The following CDRT4 variants were observed in gnomAD, a reference collection of about 807,000 sequenced individuals.
The protein encoded by CDRT4 is CMT1A duplicated region transcript 4 protein.
For synonymous variants in CDRT4, 64 were observed against 69.6 expected (o/e 0.92, Z 0.40); for missense variants, 167 against 193.1 (o/e 0.87, Z 0.80).
At chr17:15,465,779 G>T (rs934189514) in intron 1 of CDRT4, among the ~76,000 whole-genome samples, 5 of 152,208 alleles carry the variant, frequency 3.3e-5, no homozygotes, top group African/African-American at 9.7e-5. Context: ...GCAGCCAAGG[G>T]GCTCTTGCTG....
intron 1 of CDRT4, among the ~76,000 whole-genome samples, chr17:15,456,127 G>A (rs971739101): frequency 1.3e-5 from 2 of 152,164 alleles, no homozygotes. Context: ...TCCATCTCCA[G>A]AGGACACCAT....
At chr17:15,456,769 A>G (rs1451369679) in intron 1 of CDRT4, among the ~76,000 whole-genome samples, 1 of 152,186 alleles carries the variant, frequency 6.6e-6, no homozygotes, top group Non-Finnish European at 1.5e-5. Context: ...AGCCCTGGTC[A>G]TCATGGGGTC....
chr17:15,443,856 C>T (rs1328909672), intron 2 of CDRT4: 2 of 594,000 alleles, frequency 3.4e-6, no homozygotes, highest in Non-Finnish European at 6.6e-6. Flanking sequence ...TACTCATGTA[C>T]AGAACATGAT....
In CDRT4 at chr17:15,464,880, G is replaced by A. The variant is rs564451672; in HGVS notation, c.-130+2580C>T. 2.6e-5 allele frequency among the ~76,000 whole-genome samples: 4 copies of A among 152,250 alleles called. No homozygotes were observed. Among genetic ancestry groups the A allele is most frequent in the East Asian group, 1.9e-4 (1 of 5,190 alleles). On this transcript the variant is annotated intron_variant, in intron 1 of 3. Coordinates refer to ENST00000619038, the MANE Select transcript of CDRT4 (RefSeq NM_001204477.2). This position sits in a 1 kb window ranked among gnomAD's most constrained non-coding sequence, Gnocchi z 4.5. ...CACAGAAAGGAACCAGCAGGGATAC[G>A]GGAACAGAGGCACAGACATCAAGCA...
intron 1 of CDRT4, among the ~76,000 whole-genome samples, chr17:15,458,103 T>C (rs1254451982): frequency 6.6e-6 from 1 of 152,200 alleles, no homozygotes; most frequent in Non-Finnish European, 1.5e-5. Context: ...AAAAGATGTG[T>C]GTGCTGCATG....
chr17:15,456,059 G>A (rs74413359), intron 1 of CDRT4, among the ~76,000 whole-genome samples: 19,421 of 152,184 alleles, frequency 0.13, 1,699 homozygotes, highest in Non-Finnish European at 0.19. Flanking sequence ...AGACAGAGAA[G>A]GACTTCTACT....
chr17:15,444,316 C>T (rs1311866268), intron 2 of CDRT4: 10 of 463,104 alleles, frequency 2.2e-5, no homozygotes, highest in Non-Finnish European at 3.5e-5. Context: ...AATTAAAATG[C>T]TTCTAAACCC....
At chr17:15,447,892 A>C (rs951552764) in intron 2 of CDRT4, among the ~76,000 whole-genome samples, 2 of 152,208 alleles carry the variant, frequency 1.3e-5, no homozygotes, top group South Asian at 4.1e-4. Flanking sequence ...GATACGGAGA[A>C]ACAAGCAGCA....
intron 2 of CDRT4, among the ~76,000 whole-genome samples, chr17:15,442,923 C>A (rs1397822722): frequency 2.0e-5 from 3 of 152,152 alleles, no homozygotes; most frequent in Admixed American, 1.3e-4. Flanking sequence ...CATTTTGTGT[C>A]CCTGTAAATG....
At position 15,467,445 on chromosome 17, in the gene CDRT4, G is replaced by C. The variant is rs1230399416; in HGVS notation, c.-130+15C>G. On this transcript the variant is annotated intron_variant, in intron 1 of 3. Coordinates refer to ENST00000619038, the MANE Select transcript of CDRT4 (RefSeq NM_001204477.2). ...CCTCTCTGGGGACACCCAGTGTTCT[G>C]GCCCAGACTGTTACCTGAGAAGTTT... The C allele has an allele frequency of 2.6e-5, 4 of 152,184 alleles. No individual in the cohort carries two copies. Among genetic ancestry groups the C allele is most frequent in the Non-Finnish European group, 5.9e-5 (4 of 68,064 alleles). 9.4% of individuals were successfully genotyped at this position (152,184 alleles called of 1,614,324 possible).
At position 15,436,569 on chromosome 17, in the gene CDRT4, A is replaced by C. The variant is rs1379312737; in HGVS notation, c.*1204T>G. 1 of 152,212 alleles carries C rather than the reference A, an allele frequency of 6.6e-6. No homozygotes were observed. The highest frequency in any genetic ancestry group is 2.4e-5 in the African/African-American group (1 of 41,444). The allele number at this position is 152,212 out of a possible 1,614,324, so 9.4% of individuals were successfully genotyped here. ...TTGGGGCCAACTCAGAGCAAGGGTGAACCAATCCTAGCTGTCCTCTGACAA... is the reference window on the plus strand; with the variant it reads ...TTGGGGCCAACTCAGAGCAAGGGTGCACCAATCCTAGCTGTCCTCTGACAA... On this transcript the variant is annotated 3_prime_UTR_variant, in exon 4 of 4. Coordinates refer to ENST00000619038, the MANE Select transcript of CDRT4 (RefSeq NM_001204477.2).
chr17:15,445,871 CAGA>C (rs1180519079), intron 2 of CDRT4, among the ~76,000 whole-genome samples: 7 of 152,198 alleles, frequency 4.6e-5, no homozygotes, highest in South Asian at 4.1e-4. Flanking sequence ...TGCCTGGCCC[CAGA>C]AGGAGAATCA....
intron 1 of CDRT4, among the ~76,000 whole-genome samples, chr17:15,455,394 T>C (rs755299115): frequency 5.3e-5 from 8 of 152,226 alleles, no homozygotes; most frequent in Non-Finnish European, 1.2e-4. Flanking sequence ...ATAGGATGAA[T>C]GGCAATTGGG....
At chr17:15,442,681 T>C (rs1978823008) in intron 2 of CDRT4, among the ~76,000 whole-genome samples, 2 of 152,188 alleles carry the variant, frequency 1.3e-5, no homozygotes, top group South Asian at 4.1e-4. Flanking sequence ...CCCCTACAGC[T>C]GTGCCGTGTG....
chr17:15,440,617 A>C (rs967657942), intron 2 of CDRT4, among the ~76,000 whole-genome samples: 24 of 152,056 alleles, frequency 1.6e-4, no homozygotes, highest in African/African-American at 5.6e-4. Context: ...TGAAAAAAAA[A>C]AGTCCCCGTT....
intron 1 of CDRT4, among the ~76,000 whole-genome samples, chr17:15,462,939 C>A (rs993765852): frequency 6.6e-6 from 1 of 152,000 alleles, no homozygotes; most frequent in South Asian, 2.1e-4. Context: ...AAGCTGTATG[C>A]CTCGCTTTGA....
chr17:15,438,115 T>G lies in CDRT4; in HGVS notation c.117A>C (p.Thr39=). 2 of 1,614,180 alleles carry G rather than the reference T, an allele frequency of 1.2e-6. No homozygotes were observed. The highest frequency in any genetic ancestry group is 1.7e-6 in the Non-Finnish European group (2 of 1,180,014). Residue 39 remains threonine (T), a synonymous_variant, in exon 4 of 4, where the codon ACA becomes ACC. Coordinates refer to ENST00000619038, the MANE Select transcript of CDRT4 (RefSeq NM_001204477.2). Reference sequence around the variant, plus strand: ...TGCTTTTCTCAATGAGTCTTTTCACTGTCTGAGAGGTATAGGTGACATAGG... The same window carrying G: ...TGCTTTTCTCAATGAGTCTTTTCACGGTCTGAGAGGTATAGGTGACATAGG... ...WPAYVTYTSQ[T]VKRLIEKSKT... is the part of the protein sequence containing the mutation.
At chr17:15,451,438 T>C (rs917999628) in intron 2 of CDRT4, among the ~76,000 whole-genome samples, 7 of 151,306 alleles carry the variant, frequency 4.6e-5, no homozygotes, top group African/African-American at 1.7e-4. Flanking sequence ...TTTTTAAACA[T>C]GATCAGATTA....
intron 3 of CDRT4, among the ~76,000 whole-genome samples, chr17:15,439,576 G>A (rs1427426191): frequency 6.6e-6 from 1 of 152,170 alleles, no homozygotes; most frequent in East Asian, 1.9e-4. Context: ...TCAAACGCCT[G>A]GAGCAAAATG....
Sources: allele counts gnomAD v4.1 joint callset (sites outside exome capture counted in the v4.1 genomes callset), GRCh38; gene constraint gnomAD v4.1.1; non-coding constraint Gnocchi (gnomAD v3.1); transcripts MANE v1.5; gene names NCBI Gene and HGNC (gene_info 2026-07-23, HGNC 2026-07-21).